Variants in EFCAB5 observed in about 807,000 individuals in gnomAD.
EFCAB5 encodes EF-hand calcium-binding domain-containing protein 5.
A neutral mutation model predicts 167.9 loss-of-function variants in EFCAB5; 131 were observed. The observed-to-expected ratio is 0.78, with a 90% CI of 0.68 to 0.90. EFCAB5 has a LOEUF of 0.90. Ranked by LOEUF, EFCAB5 falls within the 40% of genes least tolerant of loss-of-function variation. The pLI is 0.00. For synonymous variants in EFCAB5, 574 were observed against 602.8 expected (o/e 0.95, Z 0.70); for missense variants, 1,663 against 1,745.2 (o/e 0.95, Z 0.84).
chr17:29,941,050 AAAAG>A (rs1221875260), upstream of EFCAB5, among the ~76,000 whole-genome samples: 1 of 151,930 alleles, frequency 6.6e-6, no homozygotes, highest in Non-Finnish European at 1.5e-5. Context: ...AAAAAAAAAG[AAAAG>A]AAAGAAAAGT....
chr17:30,048,075 A>C (rs1306935457), intron 8 of EFCAB5, among the ~76,000 whole-genome samples: 1 of 152,052 alleles, frequency 6.6e-6, no homozygotes, highest in East Asian at 1.9e-4. Context: ...ATCCCAAAAC[A>C]CTCCCGTGGA....
chr17:29,929,942 G>T (rs1429486540), intron 1 of EFCAB5: 2 of 1,600,784 alleles, frequency 1.2e-6, no homozygotes, highest in Non-Finnish European at 1.7e-6. Flanking sequence ...ACTCACCGAG[G>T]CGCAGGGGCT....
At chr17:30,096,677 A>ATATATATTTTTTTTT (rs1193558323) in intron 22 of EFCAB5, among the ~76,000 whole-genome samples, 1 of 60,120 alleles carries the variant, frequency 1.7e-5, no homozygotes, top group African/African-American at 8.4e-5. Context: ...ATATATATAT[A>ATATATATTTTTTTTT]TTTTTTTTTT....
In EFCAB5 at chr17:30,081,286, C is replaced by T. The variant is rs564669325; in HGVS notation, c.3426+305C>T. 5.3e-5 allele frequency among the ~76,000 whole-genome samples: 8 copies of T among 152,272 alleles called. No homozygotes were observed. The South Asian group carries it at 1.0e-3, about 20-fold the overall frequency. On this transcript the variant is annotated intron_variant, in intron 17 of 22. Coordinates refer to ENST00000394835, the MANE Select transcript of EFCAB5 (RefSeq NM_198529.4). ...CCATTGACCATTAAGACCCACAAAG[C>T]GGGAATGAACTTTTAGAAGGGACGT...
At chr17:29,941,631 T>C, upstream of EFCAB5, 1 of 554,362 alleles carries the variant, frequency 1.8e-6, no homozygotes, top group Non-Finnish European at 3.2e-6. Context: ...CAGTTGAGAA[T>C]TTATCATTCA....
chr17:29,942,585 C>T (rs1307076001), intron 2 of EFCAB5, among the ~76,000 whole-genome samples: 1 of 152,188 alleles, frequency 6.6e-6, no homozygotes, highest in Non-Finnish European at 1.5e-5. Context: ...CTTTTAGGGT[C>T]ACTTTACTAT....
chr17:30,033,082 CTTT>C (rs555568745), intron 7 of EFCAB5, among the ~76,000 whole-genome samples: 1 of 144,848 alleles, frequency 6.9e-6, no homozygotes. Context: ...TGAGCTCACA[CTTT>C]TTTTTTTTTT....
At chr17:30,014,895 G>A (rs962857113) in intron 7 of EFCAB5, among the ~76,000 whole-genome samples, 12 of 152,122 alleles carry the variant, frequency 7.9e-5, no homozygotes, top group East Asian at 3.8e-4. Context: ...TCCTAGCCTC[G>A]ATGGTCTTTA....
At chr17:30,008,412 G>A (rs1227099268) in intron 7 of EFCAB5, among the ~76,000 whole-genome samples, 1 of 152,104 alleles carries the variant, frequency 6.6e-6, no homozygotes, top group East Asian at 1.9e-4. Context: ...GGCCAACATG[G>A]TGAATCCTGT....
chr17:29,985,317 A>G (rs1251142430), intron 4 of EFCAB5, among the ~76,000 whole-genome samples: 4 of 152,226 alleles, frequency 2.6e-5, no homozygotes, highest in Non-Finnish European at 5.9e-5. Context: ...CAGATTTCTC[A>G]GAAGTTTGAT....
intron 8 of EFCAB5, among the ~76,000 whole-genome samples, chr17:30,040,899 C>G (rs879457350): frequency 6.6e-6 from 1 of 152,142 alleles, no homozygotes; most frequent in Non-Finnish European, 1.5e-5. Flanking sequence ...AATGTTTTTG[C>G]TTCCTTAAAC....
chr17:30,069,617 G>A, intron 14 of EFCAB5: 3 of 1,612,392 alleles, frequency 1.9e-6, no homozygotes, highest in Admixed American at 1.7e-5. Flanking sequence ...GCTCTTCCTC[G>A]ACTGGTACCA....
chr17:30,001,155 C>T (rs1375038824), intron 7 of EFCAB5, among the ~76,000 whole-genome samples: 2 of 152,164 alleles, frequency 1.3e-5, no homozygotes. Context: ...TGTGGCCCTG[C>T]ATGGTGTGGC....
At chr17:30,078,064 T>G (rs961745437) in intron 14 of EFCAB5, 151 bp from the exon 15 acceptor site, 16 of 706,340 alleles carry the variant, frequency 2.3e-5, no homozygotes, top group Non-Finnish European at 3.6e-5. Context: ...TGTAACATAT[T>G]CCACTGGGCT....
chr17:29,942,713 T>C (rs2067317621), intron 2 of EFCAB5, among the ~76,000 whole-genome samples: 1 of 152,192 alleles, frequency 6.6e-6, no homozygotes, highest in African/African-American at 2.4e-5. Context: ...AAAATAGTCC[T>C]ATAGATTCAC....
At chr17:30,051,313 T>G (rs1276907943) in intron 9 of EFCAB5, 96 bp downstream of exon 9, 1 of 999,904 alleles carries the variant, frequency 1.0e-6, no homozygotes, top group Non-Finnish European at 1.5e-6. Context: ...ACAAGATTAT[T>G]CTACCACCAT....
chr17:29,958,093 A>G (rs181105581), intron 3 of EFCAB5, among the ~76,000 whole-genome samples: 2 of 152,306 alleles, frequency 1.3e-5, no homozygotes, highest in South Asian at 2.1e-4. Flanking sequence ...TTTTGCTTCA[A>G]TGTTCATAAG....
chr17:30,097,210 C>T (rs1359506701), intron 22 of EFCAB5, among the ~76,000 whole-genome samples: 1 of 152,022 alleles, frequency 6.6e-6, no homozygotes, highest in Non-Finnish European at 1.5e-5. Flanking sequence ...GCATGTGCCA[C>T]CCTGCCCAGC....
intron 3 of EFCAB5, among the ~76,000 whole-genome samples, chr17:29,947,987 A>G (rs977568287): frequency 6.6e-6 from 1 of 152,020 alleles, no homozygotes; most frequent in African/African-American, 2.4e-5. Flanking sequence ...CACTCTGCCC[A>G]TCTAATTTTT....
Sources: gnomAD v4.1 joint callset for allele counts (sites outside exome capture counted in the v4.1 genomes callset) on GRCh38, gnomAD v4.1.1 for gene constraint, MANE v1.5 for transcripts, NCBI Gene and HGNC (gene_info 2026-07-23, HGNC 2026-07-21) for gene names.